The following CNTNAP2 variants were observed in gnomAD, a reference collection of about 807,000 sequenced individuals.
The protein encoded by CNTNAP2 is contactin associated protein 2.
A neutral mutation model predicts 155.2 loss-of-function variants in CNTNAP2; 98 were observed. The ratio of observed to expected loss-of-function variants is 0.63; its 90% CI spans 0.54 to 0.75. The LOEUF is 0.75. Among genes scored for constraint, CNTNAP2 ranks in the 30% least tolerant of loss-of-function variants. The pLI is 0.00. For missense variants in CNTNAP2, 1,727 were observed against 1,688.1 expected (o/e 1.02, Z -0.40); for synonymous variants, 651 against 631.2 (o/e 1.03, Z -0.47).
intron 9 of CNTNAP2, among the ~76,000 whole-genome samples, chr7:147,393,886 A>C (rs1345791143): frequency 2.0e-5 from 3 of 152,082 alleles, no homozygotes; most frequent in Admixed American, 2.0e-4. Context: ...AGGAGATTCA[A>C]ATGACAGTTA....
At chr7:147,283,037 A>G (rs1000987874) in intron 8 of CNTNAP2, among the ~76,000 whole-genome samples, 2 of 151,948 alleles carry the variant, frequency 1.3e-5, no homozygotes. Context: ...ATTTCTTCTT[A>G]TACACTGCAG....
intron 18 of CNTNAP2, among the ~76,000 whole-genome samples, chr7:148,194,596 G>C (rs1338474311): frequency 6.6e-6 from 1 of 152,092 alleles, no homozygotes; most frequent in Non-Finnish European, 1.5e-5. Flanking sequence ...GTGAGCTGGA[G>C]GCCCAGGAAA....
In CNTNAP2 at chr7:146,474,326, CAT is replaced by C. The variant is rs1251559900; in HGVS notation, c.98-299941_98-299940del. ...AATATATATTTCATTTTCCCCAAAA[CAT>C]ATACTTACCACTCATCTTGGAACAA... On this transcript the variant is annotated intron_variant, in intron 1 of 23. Coordinates refer to ENST00000361727, the MANE Select transcript of CNTNAP2 (RefSeq NM_014141.6). Among the ~76,000 whole-genome samples the C allele has an allele frequency of 8.0e-5, 12 of 149,506 alleles. No homozygotes were observed. The South Asian group carries it at 2.3e-3, about 29-fold the overall frequency.
At chr7:147,037,102 G>C (rs1402904961) in intron 3 of CNTNAP2, among the ~76,000 whole-genome samples, 2 of 151,970 alleles carry the variant, frequency 1.3e-5, no homozygotes, top group Non-Finnish European at 2.9e-5. Flanking sequence ...CTTGATTTAG[G>C]TAAATGTGTG....
chr7:147,479,207 T>C (rs1302021588), intron 10 of CNTNAP2, among the ~76,000 whole-genome samples: 2 of 152,244 alleles, frequency 1.3e-5, no homozygotes, highest in East Asian at 3.8e-4. Flanking sequence ...TAAACTTTCT[T>C]TCAAAGATTT....
intron 1 of CNTNAP2, among the ~76,000 whole-genome samples, chr7:146,428,336 G>C (rs989007606): frequency 6.6e-6 from 1 of 152,080 alleles, no homozygotes; most frequent in African/African-American, 2.4e-5. Flanking sequence ...CTTCCACAAC[G>C]GTTGAACTAA....
chr7:147,881,747 G>A (rs976413369), intron 13 of CNTNAP2, among the ~76,000 whole-genome samples: 1 of 152,194 alleles, frequency 6.6e-6, no homozygotes, highest in Non-Finnish European at 1.5e-5. Flanking sequence ...GAGGCTGGCA[G>A]ATCACCTGAG....
intron 3 of CNTNAP2, among the ~76,000 whole-genome samples, chr7:146,923,452 C>G (rs1302402372): frequency 2.0e-5 from 3 of 152,108 alleles, no homozygotes; most frequent in Non-Finnish European, 2.9e-5. Flanking sequence ...TCTCTGTATT[C>G]TCATTGCTTG....
At chr7:146,631,281 A>G (rs1231013595) in intron 1 of CNTNAP2, among the ~76,000 whole-genome samples, 2 of 152,174 alleles carry the variant, frequency 1.3e-5, no homozygotes, top group African/African-American at 2.4e-5. Context: ...AAGGAAAACA[A>G]ATATTTGAAA....
chr7:147,903,524 C>T (rs760055875), intron 13 of CNTNAP2, 41 bp from the exon 14 acceptor site: 3 of 1,611,828 alleles, frequency 1.9e-6, no homozygotes, highest in African/African-American at 2.7e-5. Flanking sequence ...AATGACTGAA[C>T]CCAGGTCTGT....
intron 3 of CNTNAP2, among the ~76,000 whole-genome samples, chr7:146,872,162 A>ATTTTTTTTTTTTTTTTTTTTT (rs144291754): frequency 2.7e-5 from 3 of 111,532 alleles, no homozygotes; most frequent in Non-Finnish European, 3.6e-5. Flanking sequence ...AAATTATTGA[A>ATTTTTTTTTTTTTTTTTTTTT]TTTTTTTTTT....
intron 1 of CNTNAP2, among the ~76,000 whole-genome samples, chr7:146,262,650 C>A (rs1799937439): frequency 6.6e-6 from 1 of 152,098 alleles, no homozygotes; most frequent in African/African-American, 2.4e-5. Context: ...TTCTTGATGG[C>A]AGCTACTACT....
intron 10 of CNTNAP2, among the ~76,000 whole-genome samples, chr7:147,445,484 C>T (rs1420149506): frequency 6.6e-6 from 1 of 152,034 alleles, no homozygotes; most frequent in African/African-American, 2.4e-5. Flanking sequence ...TATTAGAATA[C>T]CCTGCCTCAG....
intron 11 of CNTNAP2, among the ~76,000 whole-genome samples, chr7:147,505,207 T>C (rs1798885521): frequency 6.6e-6 from 1 of 151,988 alleles, no homozygotes; most frequent in African/African-American, 2.4e-5. Context: ...TAAAATAGAA[T>C]TAAAATCCAA....
intron 1 of CNTNAP2, among the ~76,000 whole-genome samples, chr7:146,612,474 T>A (rs182826849): frequency 6.6e-6 from 1 of 152,074 alleles, no homozygotes; most frequent in East Asian, 1.9e-4. Flanking sequence ...TGGTTTAATA[T>A]AAGAACAAAA....
chr7:146,677,675 A>G (rs1800425474), intron 1 of CNTNAP2, among the ~76,000 whole-genome samples: 1 of 139,540 alleles, frequency 7.2e-6, no homozygotes, highest in Non-Finnish European at 1.6e-5. Context: ...AAGTGAGAAC[A>G]TGCTATAGTT....
At chr7:147,424,028 G>A (rs1397611732) in intron 10 of CNTNAP2, among the ~76,000 whole-genome samples, 2 of 152,120 alleles carry the variant, frequency 1.3e-5, no homozygotes, top group Non-Finnish European at 2.9e-5. Context: ...GAAGAATGTG[G>A]CTGGGGAAAA....
chr7:147,505,351 A>T (rs1584777387), intron 11 of CNTNAP2, among the ~76,000 whole-genome samples: 1 of 146,814 alleles, frequency 6.8e-6, no homozygotes, highest in East Asian at 1.9e-4. Context: ...AGACCTTCAA[A>T]CAATAAAATG....
chr7:148,189,624 C>A lies in CNTNAP2; in HGVS notation c.3010+17146C>A, dbSNP rs188173035. On this transcript the variant is annotated intron_variant, in intron 18 of 23. Transcript: ENST00000361727. Reference sequence around the variant, plus strand: ...CAAGAGGGCTCTCACAAGACGACATCCCCTCGATCTTGAACTTTCCAGTCT... The same window carrying A: ...CAAGAGGGCTCTCACAAGACGACATACCCTCGATCTTGAACTTTCCAGTCT... Among the ~76,000 whole-genome samples, 181 of 152,276 alleles carry A rather than the reference C, an allele frequency of 1.2e-3. 3 individuals carry two copies. In the Middle Eastern group the frequency reaches 0.017, roughly 14 times the overall value.
Sources: allele counts gnomAD v4.1 joint callset (sites outside exome capture counted in the v4.1 genomes callset), GRCh38; gene constraint gnomAD v4.1.1; transcripts MANE v1.5; gene names NCBI Gene and HGNC (gene_info 2026-07-23, HGNC 2026-07-21).